Variants in ANKRD31 observed in about 807,000 individuals in gnomAD.
ANKRD31 encodes the protein ankyrin repeat domain-containing protein 31.
Under a neutral mutation model 186.0 loss-of-function variants are expected in ANKRD31, and 147 were observed. The ratio of observed to expected loss-of-function variants is 0.79; its 90% CI spans 0.69 to 0.91. ANKRD31 has a LOEUF of 0.91. ANKRD31 is among the 40% of genes least tolerant of loss of function. The probability of loss-of-function intolerance (pLI) is 0.00; values close to 1 mark genes in which losing one functional copy is unlikely to be tolerated. For missense variants in ANKRD31, 1,986 were observed against 2,148.8 expected (o/e 0.92, Z 1.50); for synonymous variants, 673 against 736.4 (o/e 0.91, Z 1.39).
In ANKRD31 at chr5:75,199,678, GA is replaced by G; in HGVS notation, c.404-5del. On this transcript the variant is annotated splice_polypyrimidine_tract_variant and splice_region_variant and intron_variant, in intron 5 of 25. Transcript: ENST00000506364. ...TCAGGACTTTCAGCCTCTGGCCCTA[GA>G]AAAAAACAATGTGTTTTCATTCCAG... 3.3e-6 allele frequency: 5 copies of G among 1,530,236 alleles called. No individual in the cohort carries two copies. The highest frequency in any genetic ancestry group is 4.4e-6 in the Non-Finnish European group (5 of 1,143,468). 94.8% of individuals were successfully genotyped at this position (1,530,236 alleles called of 1,614,324 possible).
At chr5:75,154,483 AT>A in intron 11 of ANKRD31, 138 bp from the exon 12 acceptor site, 1 of 791,094 alleles carries the variant, frequency 1.3e-6, no homozygotes, top group Non-Finnish European at 1.7e-6. Context: ...TCCTTGTCCA[AT>A]AAAAAAAGAA....
chr5:75,148,527 C>T, intron 13 of ANKRD31, 49 bp downstream of exon 13: 1 of 1,288,724 alleles, frequency 7.8e-7, no homozygotes, highest in East Asian at 2.6e-5. Flanking sequence ...TATGAAACAA[C>T]CAGAAGTTAC....
chr5:75,212,462 A>G (rs1756715662), intron 3 of ANKRD31, among the ~76,000 whole-genome samples: 1 of 152,134 alleles, frequency 6.6e-6, no homozygotes, highest in South Asian at 2.1e-4. Flanking sequence ...AAACAAAAAC[A>G]ACAACAACAA....
chr5:75,212,116 C>T (rs1362799803), intron 3 of ANKRD31, among the ~76,000 whole-genome samples: 1 of 152,112 alleles, frequency 6.6e-6, no homozygotes, highest in East Asian at 1.9e-4. Flanking sequence ...TTTGGCTCTT[C>T]TGTCTTTATC....
Position 75,218,836 on chromosome 5 carries a change from T to G in ANKRD31, c.288+3413A>C, listed in dbSNP as rs373916067. On this transcript the variant is annotated intron_variant, in intron 3 of 25. Coordinates refer to ENST00000506364, the MANE Select transcript of ANKRD31 (RefSeq NM_001372053.1). ...ATTCATCAAACATATTCAAACATAT[T>G]CAAATCAATAAATGTGATTCATCAA... 4.6e-5 allele frequency among the ~76,000 whole-genome samples: 7 copies of G among 152,048 alleles called. No individual in the cohort carries two copies. The East Asian group carries it at 1.2e-3, about 25-fold the overall frequency.
At chr5:75,121,584 A>C (rs1240797709) in intron 17 of ANKRD31, among the ~76,000 whole-genome samples, 1 of 152,182 alleles carries the variant, frequency 6.6e-6, no homozygotes, top group African/African-American at 2.4e-5. Flanking sequence ...ATAAAAATGG[A>C]AAAAAATTGA....
chr5:75,152,937 C>T (rs1751936849), intron 12 of ANKRD31, among the ~76,000 whole-genome samples: 2 of 151,794 alleles, frequency 1.3e-5, no homozygotes, highest in Admixed American at 1.3e-4. Context: ...GAGCTTAATT[C>T]TGCTACCTTT....
At position 75,146,232 on chromosome 5, in the gene ANKRD31, T is replaced by G. The variant is rs1216596438; in HGVS notation, c.3179A>C (p.Asn1060Thr). ...AATGTAATTCCTCTCAGTGTCACAA[T>G]TCTTTGCCATCTTTTCCACAATATG... ...DTHIVEKMAK[N>T]CDTERNYIDR... Residue 1060 changes from asparagine to threonine, a missense_variant, in exon 14 of 26, where the codon AAT (asparagine) becomes ACT (threonine). Transcript: ENST00000506364. 29 of 1,536,356 alleles carry G rather than the reference T, an allele frequency of 1.9e-5. No individual in the cohort carries two copies. The highest frequency in any genetic ancestry group is 2.5e-5 in the Non-Finnish European group (29 of 1,146,424).
At chr5:75,154,800 A>G (rs1482630037) in intron 11 of ANKRD31, among the ~76,000 whole-genome samples, 1 of 152,130 alleles carries the variant, frequency 6.6e-6, no homozygotes, top group East Asian at 1.9e-4. Flanking sequence ...GGAGATAATT[A>G]TGTCTTCCGT....
At chr5:75,233,139 T>C (rs1308854710) in intron 1 of ANKRD31, among the ~76,000 whole-genome samples, 3 of 151,998 alleles carry the variant, frequency 2.0e-5, no homozygotes, top group Non-Finnish European at 4.4e-5. Flanking sequence ...CGCAGCTTAC[T>C]GCAACCTCCG....
rs532058473 is a variant in ANKRD31, at chr5:75,098,770, C to A, written c.5331+5458G>T. ...TGTATAGAAATGCTTGTGATTTTTG[C>A]CCATTGATTTTGTATCCTGAGACTT... is the stretch of plus-strand genomic sequence containing the variant. On this transcript the variant is annotated intron_variant, in intron 22 of 25. Transcript: ENST00000506364. Among the ~76,000 whole-genome samples the A allele has an allele frequency of 3.9e-4, 59 of 152,174 alleles. 1 individual carries two copies. The highest frequency in any genetic ancestry group is 1.0e-3 in the Admixed American group (16 of 15,284).
chr5:75,195,584 G>C lies in ANKRD31; in HGVS notation c.1017+47C>G, dbSNP rs758635704. 1.3e-3 allele frequency: 1,804 copies of C among 1,418,030 alleles called. 5 individuals carry two copies. Among genetic ancestry groups the C allele is most frequent in the Non-Finnish European group, 1.4e-3 (1,529 of 1,070,878 alleles). The allele number at this position is 1,418,030 out of a possible 1,614,324, so 87.8% of individuals were successfully genotyped here. ...CTTGTCCTATAGCTCAGCTAACTTG[G>C]AACCATGTTCAAATGGTGGAGTAGA... On this transcript the variant is annotated intron_variant, in intron 7 of 25. Coordinates refer to ENST00000506364, the MANE Select transcript of ANKRD31 (RefSeq NM_001372053.1).
chr5:75,090,948 T>C (rs544780772), intron 23 of ANKRD31, among the ~76,000 whole-genome samples: 1 of 152,272 alleles, frequency 6.6e-6, no homozygotes, highest in South Asian at 2.1e-4. Flanking sequence ...TGAAATCCCT[T>C]GGGAGATCAA....
At chr5:75,099,464 TTC>T (rs1455745380) in intron 22 of ANKRD31, among the ~76,000 whole-genome samples, 1 of 152,184 alleles carries the variant, frequency 6.6e-6, no homozygotes, top group Non-Finnish European at 1.5e-5. Context: ...TTAGGGAGGA[TTC>T]TCTCTTTTTC....
At chr5:75,232,566 T>G (rs78657354) in intron 1 of ANKRD31, among the ~76,000 whole-genome samples, 4 of 41,018 alleles carry the variant, frequency 9.8e-5, no homozygotes, top group South Asian at 2.2e-3. Flanking sequence ...ATTTTGTGTG[T>G]TTTTTTTTTT....
chr5:75,220,759 A>T (rs1304669374), intron 3 of ANKRD31, among the ~76,000 whole-genome samples: 2 of 152,188 alleles, frequency 1.3e-5, no homozygotes, highest in African/African-American at 4.8e-5. Context: ...AGGAAATGCA[A>T]ATCAATGAGA....
At chr5:75,096,697 G>C (rs1297390796) in intron 22 of ANKRD31, among the ~76,000 whole-genome samples, 1 of 151,792 alleles carries the variant, frequency 6.6e-6, no homozygotes, top group Non-Finnish European at 1.5e-5. Flanking sequence ...AAGTTCTAGG[G>C]TACCTGTGCA....
chr5:75,118,061 C>T, intron 18 of ANKRD31, 74 bp downstream of exon 18: 5 of 1,141,964 alleles, frequency 4.4e-6, no homozygotes, highest in Non-Finnish European at 5.6e-6. Context: ...AAACAATTTA[C>T]ACAACAAATC....
chr5:75,228,686 T>C (rs923424746), intron 2 of ANKRD31, among the ~76,000 whole-genome samples: 1 of 152,126 alleles, frequency 6.6e-6, no homozygotes, highest in Non-Finnish European at 1.5e-5. Context: ...GAACATGACC[T>C]TTCATTTTCT....
Sources: gnomAD v4.1 joint callset for allele counts (sites outside exome capture counted in the v4.1 genomes callset) on GRCh38, gnomAD v4.1.1 for gene constraint, MANE v1.5 for transcripts, NCBI Gene and HGNC (gene_info 2026-07-23, HGNC 2026-07-21) for gene names.